FAM13B: variants seen among roughly 807,000 people sequenced by gnomAD.
FAM13B encodes the protein protein FAM13B.
Under a neutral mutation model 117.3 loss-of-function variants are expected in FAM13B, and 60 were observed. The ratio of observed to expected loss-of-function variants is 0.51; its 90% CI spans 0.42 to 0.63. The LOEUF is 0.63. Among genes scored for constraint, FAM13B ranks in the 30% least tolerant of loss-of-function variants. The pLI, the probability that FAM13B is intolerant of heterozygous loss-of-function variation, is 0.00. For missense variants in FAM13B, 972 were observed against 1,091.9 expected, an observed-to-expected ratio of 0.89 and a Z score of 1.55; for synonymous variants, 332 against 356.1, an observed-to-expected ratio of 0.93 and a Z score of 0.76.
chr5:137,967,053 T>C (rs1474430653), intron 10 of FAM13B, among the ~76,000 whole-genome samples: 1 of 151,384 alleles, frequency 6.6e-6, no homozygotes. Context: ...AAAGTTAGCT[T>C]ATAATCTCAG....
intron 7 of FAM13B, among the ~76,000 whole-genome samples, chr5:138,004,211 G>C (rs1208523869): frequency 6.6e-6 from 1 of 151,656 alleles, no homozygotes; most frequent in Non-Finnish European, 1.5e-5. Context: ...GGAGGATGCA[G>C]TGAGCCGAGA....
intron 1 of FAM13B, among the ~76,000 whole-genome samples, chr5:138,046,621 G>A (rs1791647473): frequency 6.6e-6 from 1 of 152,200 alleles, no homozygotes; most frequent in South Asian, 2.1e-4. Flanking sequence ...GTTTGCTCCT[G>A]AAACTCAATT....
chr5:137,960,562 A>G (rs1287291777), intron 11 of FAM13B, among the ~76,000 whole-genome samples: 1 of 152,188 alleles, frequency 6.6e-6, no homozygotes, highest in Non-Finnish European at 1.5e-5. Flanking sequence ...TATAAAATAA[A>G]TGTTTTAACC....
At chr5:137,979,656 T>TAC (rs1422315781) in intron 10 of FAM13B, among the ~76,000 whole-genome samples, 1 of 152,174 alleles carries the variant, frequency 6.6e-6, no homozygotes, top group African/African-American at 2.4e-5. Context: ...TCTTTACTTA[T>TAC]ACTATTCATT....
At chr5:138,000,996 C>G (rs2150767362) in intron 7 of FAM13B, among the ~76,000 whole-genome samples, 1 of 151,534 alleles carries the variant, frequency 6.6e-6, no homozygotes, top group African/African-American at 2.4e-5. Flanking sequence ...AAGAAATACT[C>G]CCTGTAGTTA....
upstream of FAM13B, among the ~76,000 whole-genome samples, chr5:138,035,175 G>C (rs1791031711): frequency 6.6e-6 from 1 of 151,102 alleles, no homozygotes; most frequent in African/African-American, 2.4e-5. Flanking sequence ...ACCATGCCTG[G>C]CTAATTTTAA....
intron 1 of FAM13B, among the ~76,000 whole-genome samples, chr5:138,021,498 T>G (rs1786703139): frequency 6.6e-6 from 1 of 152,130 alleles, no homozygotes; most frequent in South Asian, 2.1e-4. Flanking sequence ...CTCAATTATG[T>G]GTGGACACCC....
chr5:137,959,810 C>T (rs1021810614), intron 12 of FAM13B, 47 bp from the exon 13 acceptor site: 17 of 1,585,114 alleles, frequency 1.1e-5, no homozygotes, highest in Non-Finnish European at 1.5e-5. Flanking sequence ...GGAAGCTTTT[C>T]ACACCCAGCT....
At chr5:137,959,261 A>G (rs1241854570) in intron 13 of FAM13B, among the ~76,000 whole-genome samples, 1 of 152,232 alleles carries the variant, frequency 6.6e-6, no homozygotes, top group Non-Finnish European at 1.5e-5. Context: ...CTCTGCTTAA[A>G]CTGGTGAGAT....
chr5:137,958,439 C>T (rs1767189809), intron 13 of FAM13B, among the ~76,000 whole-genome samples: 1 of 151,588 alleles, frequency 6.6e-6, no homozygotes, highest in South Asian at 2.1e-4. Flanking sequence ...AAAAAAAATG[C>T]CTAGACCTTA....
intron 10 of FAM13B, among the ~76,000 whole-genome samples, chr5:137,976,038 C>T (rs766895969): frequency 2.4e-4 from 32 of 132,812 alleles, no homozygotes; most frequent in Admixed American, 8.0e-4. Flanking sequence ...TGCAGTGGCG[C>T]GATCTCCGCC....
upstream of FAM13B, chr5:138,033,112 GTGGGA>G: frequency 1.1e-6 from 1 of 927,654 alleles, no homozygotes; most frequent in Non-Finnish European, 1.3e-6. Context: ...CGTGACGTGC[GTGGGA>G]GGGGGCGGGG....
At chr5:137,955,833 T>C (rs948822254) in intron 14 of FAM13B, among the ~76,000 whole-genome samples, 4 of 152,170 alleles carry the variant, frequency 2.6e-5, no homozygotes, top group African/African-American at 9.7e-5. Flanking sequence ...GGTTTCACCA[T>C]GTTGGCCAGG....
chr5:137,991,331 A>G (rs1013128739), intron 7 of FAM13B, among the ~76,000 whole-genome samples: 5 of 152,234 alleles, frequency 3.3e-5, no homozygotes, highest in Non-Finnish European at 7.3e-5. Context: ...TTGTCTTTAT[A>G]TGTGTAAGCA....
intron 7 of FAM13B, among the ~76,000 whole-genome samples, chr5:137,999,104 C>CT (rs397962950): frequency 0.15 from 20,276 of 139,554 alleles, 1,657 homozygotes; most frequent in East Asian, 0.34. Flanking sequence ...CCTTCAGGGT[C>CT]TTTTTTTTTT....
rs1193514001 is a variant in FAM13B, at chr5:137,954,395, G to C, written c.1508-19C>G. On this transcript the variant is annotated intron_variant, in intron 14 of 23. Transcript: ENST00000689681. ...AATGGCTCTATAAAACAAACACAAA[G>C]AATAGTACCATGGGTCTCTTGATTC... 1 of 1,595,380 alleles carries C rather than the reference G, an allele frequency of 6.3e-7. No homozygotes were observed. The highest frequency in any genetic ancestry group is 8.6e-7 in the Non-Finnish European group (1 of 1,167,116).
chr5:138,043,344 CAGAG>C (rs1791551156), intron 1 of FAM13B, among the ~76,000 whole-genome samples: 1 of 151,988 alleles, frequency 6.6e-6, no homozygotes, highest in South Asian at 2.1e-4. Flanking sequence ...CCCTGGATGA[CAGAG>C]AGAGACCCTG....
Position 137,938,980 on chromosome 5 carries a change from G to A in FAM13B, c.*1245C>T, listed in dbSNP as rs1261228984. 1.3e-5 allele frequency: 2 copies of A among 152,110 alleles called. No homozygotes were observed. The highest frequency in any genetic ancestry group is 1.3e-4 in the Admixed American group (2 of 15,270). The allele number at this position is 152,110 out of a possible 1,614,324, so 9.4% of individuals were successfully genotyped here. On this transcript the variant is annotated 3_prime_UTR_variant, in exon 24 of 24. Coordinates refer to ENST00000689681, the MANE Select transcript of FAM13B (RefSeq NM_001385994.1). ...ACCCAAATCTGCTGTTGTACTGTTA[G>A]CACAAATGAAGTCACCATTCTGTAA...
chr5:138,031,461 G>A (rs1465275060), intron 1 of FAM13B, among the ~76,000 whole-genome samples: 1 of 152,188 alleles, frequency 6.6e-6, no homozygotes, highest in African/African-American at 2.4e-5. Flanking sequence ...GCTGAGGCAG[G>A]CGGATCACTT....
Sources: allele counts gnomAD v4.1 joint callset (sites outside exome capture counted in the v4.1 genomes callset), GRCh38; gene constraint gnomAD v4.1.1; transcripts MANE v1.5; gene names NCBI Gene and HGNC (gene_info 2026-07-23, HGNC 2026-07-21).